COL4A4: variants seen among roughly 807,000 people sequenced by gnomAD.
The protein encoded by COL4A4 is collagen alpha-4(IV) chain.
Under a neutral mutation model 192.9 loss-of-function variants are expected in COL4A4, and 105 were observed. The ratio of observed to expected loss-of-function variants is 0.54; its 90% CI spans 0.46 to 0.64. COL4A4 has a LOEUF of 0.64. Among genes scored for constraint, COL4A4 ranks in the 30% least tolerant of loss-of-function variants. COL4A4 has a pLI of 0.00. For synonymous variants in COL4A4, 762 were observed against 769.9 expected (o/e 0.99, Z 0.17); for missense variants, 1,967 against 2,169.3 (o/e 0.91, Z 1.85).
chr2:227,074,763 G>A (rs1018709526), intron 25 of COL4A4, among the ~76,000 whole-genome samples: 1 of 152,152 alleles, frequency 6.6e-6, no homozygotes, highest in Non-Finnish European at 1.5e-5. Context: ...AACTTAGATG[G>A]AGCTGGAGGC....
intron 2 of COL4A4, 106 bp from the exon 3 acceptor site, chr2:227,144,664 A>T: frequency 1.1e-6 from 1 of 906,424 alleles, no homozygotes. Context: ...TTTTATTTCT[A>T]TGAGGCTGCT....
At chr2:227,063,557 T>C (rs1039585408) in intron 25 of COL4A4, among the ~76,000 whole-genome samples, 3 of 152,096 alleles carry the variant, frequency 2.0e-5, no homozygotes, top group Non-Finnish European at 4.4e-5. Flanking sequence ...AAGATATATA[T>C]ATAATACATG....
rs139638362 is a variant in COL4A4, at chr2:227,073,516, T to C, written c.1987+4378A>G. 3.2e-3 allele frequency among the ~76,000 whole-genome samples: 484 copies of C among 152,074 alleles called. 3 individuals are homozygous for C. Among genetic ancestry groups the C allele is most frequent in the African/African-American group, 0.011 (463 of 41,530 alleles). On this transcript the variant is annotated intron_variant, in intron 25 of 47. Coordinates refer to ENST00000396625, the MANE Select transcript of COL4A4 (RefSeq NM_000092.5). ...TGGAATTCCCATCAAAATATGCACA[T>C]CATTTTTCATAGAATTAGAAAAAAC...
At chr2:227,076,390 A>G (rs948443573) in intron 25 of COL4A4, among the ~76,000 whole-genome samples, 1 of 152,214 alleles carries the variant, frequency 6.6e-6, no homozygotes, top group African/African-American at 2.4e-5. Flanking sequence ...GCTATGGGGA[A>G]AGGAGTCCCT....
intron 32 of COL4A4, 37 bp downstream of exon 32, chr2:227,052,268 A>G (rs1448419240): frequency 8.2e-7 from 1 of 1,225,112 alleles, no homozygotes; most frequent in Admixed American, 1.7e-5. Context: ...AAAAATGTCA[A>G]CTTATTTGAT....
At chr2:227,047,308 G>A (rs1174565205) in intron 35 of COL4A4, among the ~76,000 whole-genome samples, 167 bp downstream of exon 35, 1 of 150,900 alleles carries the variant, frequency 6.6e-6, no homozygotes, top group Non-Finnish European at 1.5e-5. Context: ...TTCTAGGCCA[G>A]GCAAGAAATG....
At chr2:227,045,989 T>G (rs142964642) in intron 35 of COL4A4, among the ~76,000 whole-genome samples, 4,350 of 45,454 alleles carry the variant, frequency 0.096, 793 homozygotes, top group South Asian at 0.22. Context: ...ATGTATATAT[T>G]TAGATATTTA....
chr2:227,048,057 A>G (rs896720148), intron 34 of COL4A4, among the ~76,000 whole-genome samples: 2 of 152,190 alleles, frequency 1.3e-5, no homozygotes, highest in African/African-American at 2.4e-5. Context: ...ACTGTAGGCC[A>G]TGACTCCCAC....
intron 26 of COL4A4, among the ~76,000 whole-genome samples, chr2:227,061,138 T>C (rs577211704): frequency 1.3e-5 from 2 of 152,324 alleles, no homozygotes; most frequent in East Asian, 3.8e-4. Flanking sequence ...AAAATGTGAG[T>C]ATTCACTTCT....
chr2:227,024,018 A>G (rs1337093053), intron 43 of COL4A4, among the ~76,000 whole-genome samples: 1 of 149,758 alleles, frequency 6.7e-6, no homozygotes, highest in Admixed American at 6.6e-5. Flanking sequence ...AAAAAAAAAC[A>G]AAAAACAAAC....
chr2:227,032,395 C>T (rs1047137789), intron 38 of COL4A4, 119 bp from the exon 39 acceptor site: 9 of 1,140,952 alleles, frequency 7.9e-6, no homozygotes, highest in South Asian at 1.4e-5. Flanking sequence ...CAGACACCAA[C>T]AACTGGTTGC....
rs1382935591 is a variant in COL4A4, at chr2:227,064,155, A to G, written c.1988-1557T>C. 2.0e-5 allele frequency among the ~76,000 whole-genome samples: 3 copies of G among 152,314 alleles called. No individual in the cohort carries two copies. In the East Asian group the frequency reaches 5.8e-4, roughly 29 times the overall value. On this transcript the variant is annotated intron_variant, in intron 25 of 47. Transcript: ENST00000396625. ...TTACCTTTCTGGGTGAAAACATCAT[A>G]AATAAATTTAAAAAGCAATTCAGGA... is the stretch of plus-strand genomic sequence containing the variant.
intron 4 of COL4A4, among the ~76,000 whole-genome samples, chr2:227,130,894 G>A (rs532286339): frequency 6.6e-6 from 1 of 151,846 alleles, no homozygotes; most frequent in East Asian, 1.9e-4. Flanking sequence ...TATCAAGTCT[G>A]CCTCCCAAAT....
In COL4A4 at chr2:227,046,091, G is replaced by GATATATATA. The variant is rs1972799112; in HGVS notation, c.3289+1383_3289+1384insTATATATAT. On this transcript the variant is annotated intron_variant, in intron 35 of 47. Transcript: ENST00000396625. ...TACATATATATATTTAGATATATAT[G>GATATATATA]TACATATATATATATCTAAATATAT... Among the ~76,000 whole-genome samples the GATATATATA allele has an allele frequency of 3.8e-5, 5 of 131,546 alleles. 1 individual carries two copies. In the South Asian group the frequency reaches 9.3e-4, roughly 25 times the overall value. 86.3% of individuals were successfully genotyped at this position (131,546 alleles called of 152,430 possible).
chr2:226,998,332 T>C (rs946411440), downstream of COL4A4: 3 of 152,194 alleles, frequency 2.0e-5, no homozygotes, highest in African/African-American at 7.2e-5. Flanking sequence ...TGGCACATGT[T>C]CTGCTGCCTG....
At chr2:227,117,890 T>A (rs1427178446) in intron 7 of COL4A4, among the ~76,000 whole-genome samples, 3 of 152,192 alleles carry the variant, frequency 2.0e-5, no homozygotes, top group Non-Finnish European at 4.4e-5. Flanking sequence ...TCTAATATAT[T>A]TTTTTGCATT....
In COL4A4 at chr2:227,088,725, C is replaced by A. The variant is rs867156735; in HGVS notation, c.1551G>T (p.Leu517Phe). The change falls in exon 22 of 48, where the codon TTG (leucine) becomes TTT (phenylalanine). Residue 517 changes from leucine (L) to phenylalanine (F), a missense_variant. By Grantham distance (22) the Leu-to-Phe change is conservative (BLOSUM62 0). Transcript: ENST00000396625. Reference sequence around the variant, plus strand: ...TTGTTCCAAGCCAGCCAGGGAGCCCCAAGTCTCCCTTACTCCCCTGCCTCC... The same window carrying A: ...TTGTTCCAAGCCAGCCAGGGAGCCCAAAGTCTCCCTTACTCCCCTGCCTCC... ...LPGRQGSKGDLGLPGWLGTKG... is the reference protein window; with the variant it reads ...LPGRQGSKGDFGLPGWLGTKG... The A allele has an allele frequency of 5.0e-6, 8 of 1,614,142 alleles. No individual in the cohort carries two copies. Among genetic ancestry groups the A allele is most frequent in the Middle Eastern group, 1.7e-4 (1 of 6,060 alleles).
chr2:227,094,153 TGGTGCTCCAGGCAAGCCA>T lies in COL4A4; in HGVS notation c.1323_1340del (p.Pro444_Leu449del), dbSNP rs773081522. On this transcript the variant is annotated inframe_deletion, in exon 20 of 48. Coordinates refer to ENST00000396625, the MANE Select transcript of COL4A4 (RefSeq NM_000092.5). ...TTGATCCTGGGAGGCCCTGCAGGCC[TGGTGCTCCAGGCAAGCCA>T]GGTGATCCTGGCTTCCCTGGTTTTC... is the stretch of plus-strand genomic sequence containing the variant. The T allele has an allele frequency of 2.5e-5, 40 of 1,613,652 alleles. No individual in the cohort carries two copies. The highest frequency in any genetic ancestry group is 1.7e-4 in the Middle Eastern group (1 of 6,060).
chr2:226,995,320 G>C, the COL4A4 span: 24 of 692,784 alleles, frequency 3.5e-5, no homozygotes, highest in Middle Eastern at 5.2e-4. Context: ...TCTGTTTTGT[G>C]TTAAAATGAA....
Sources: allele counts gnomAD v4.1 joint callset (sites outside exome capture counted in the v4.1 genomes callset), GRCh38; gene constraint gnomAD v4.1.1; transcripts MANE v1.5; gene names NCBI Gene and HGNC (gene_info 2026-07-23, HGNC 2026-07-21).